Variants in FOXN3 observed in about 807,000 individuals in gnomAD.
The protein encoded by FOXN3 is forkhead box protein N3.
A neutral mutation model predicts 38.4 loss-of-function variants in FOXN3; 7 were observed. The ratio of observed to expected loss-of-function variants is 0.18; its 90% CI spans 0.10 to 0.34. The LOEUF (loss-of-function observed/expected upper bound fraction) is 0.34. Among genes scored for constraint, FOXN3 ranks in the 10% least tolerant of loss-of-function variants. FOXN3 has a pLI of 1.00. For synonymous variants in FOXN3, 230 were observed against 242.2 expected, an observed-to-expected ratio of 0.95 and a Z score of 0.47; for missense variants, 456 against 613.4, an observed-to-expected ratio of 0.74 and a Z score of 2.71.
chr14:89,253,294 C>G (rs1885518094), intron 4 of FOXN3, among the ~76,000 whole-genome samples: 1 of 152,140 alleles, frequency 6.6e-6, no homozygotes, highest in Non-Finnish European at 1.5e-5. Flanking sequence ...GGCATTCGCT[C>G]TAGGGCATGA....
At chr14:89,449,601 A>G (rs1450836376) in intron 1 of FOXN3, among the ~76,000 whole-genome samples, 2 of 152,242 alleles carry the variant, frequency 1.3e-5, no homozygotes, top group Non-Finnish European at 2.9e-5. Flanking sequence ...GACAGAATTT[A>G]TTTGAGAAGA....
intron 1 of FOXN3, among the ~76,000 whole-genome samples, chr14:89,501,051 C>T (rs1384691863): frequency 6.6e-6 from 1 of 152,206 alleles, no homozygotes; most frequent in Non-Finnish European, 1.5e-5. Flanking sequence ...GATTAATGCG[C>T]CCTCCACGGG....
At chr14:89,461,948 C>T (rs954827240) in intron 1 of FOXN3, among the ~76,000 whole-genome samples, 9 of 152,174 alleles carry the variant, frequency 5.9e-5, no homozygotes, top group African/African-American at 1.2e-4. Flanking sequence ...GCAGTGCATA[C>T]GACAGGCCCC....
At chr14:89,193,829 C>T (rs1232646196) in intron 4 of FOXN3, among the ~76,000 whole-genome samples, 1 of 152,174 alleles carries the variant, frequency 6.6e-6, no homozygotes, top group Non-Finnish European at 1.5e-5. Flanking sequence ...GTTCCAGTTG[C>T]TCCATATTTT....
chr14:89,216,381 G>A (rs1225075201), intron 4 of FOXN3, among the ~76,000 whole-genome samples: 3 of 152,132 alleles, frequency 2.0e-5, no homozygotes, highest in African/African-American at 4.8e-5. Context: ...GTCTCGGCAG[G>A]TAAGGAGTTT....
intron 4 of FOXN3, among the ~76,000 whole-genome samples, chr14:89,198,027 G>T (rs1479122726): frequency 6.6e-6 from 1 of 152,154 alleles, no homozygotes; most frequent in Non-Finnish European, 1.5e-5. Context: ...AATACAGTCA[G>T]CCCTCCATAC....
intron 1 of FOXN3, among the ~76,000 whole-genome samples, chr14:89,457,232 C>A (rs568008727): frequency 6.6e-5 from 10 of 152,298 alleles, no homozygotes; most frequent in Admixed American, 3.3e-4. Context: ...TTTCTAGAGA[C>A]CTTCACGGAG....
At chr14:89,498,869 C>A (rs1302942536) in intron 1 of FOXN3, among the ~76,000 whole-genome samples, 2 of 152,240 alleles carry the variant, frequency 1.3e-5, no homozygotes, top group Admixed American at 1.3e-4. Context: ...CTCCAACTCA[C>A]AAGTCAATGA....
At chr14:89,193,802 G>A (rs1417373537) in intron 4 of FOXN3, among the ~76,000 whole-genome samples, 4 of 152,174 alleles carry the variant, frequency 2.6e-5, no homozygotes, top group Non-Finnish European at 4.4e-5. Context: ...TCCAAAGAGG[G>A]TGTACCACGT....
chr14:89,186,539 G>A (rs1389691317), intron 4 of FOXN3, among the ~76,000 whole-genome samples: 1 of 152,156 alleles, frequency 6.6e-6, no homozygotes, highest in Admixed American at 6.5e-5. Flanking sequence ...GCCATTTTGA[G>A]GGTGGAGAGG....
chr14:89,305,569 C>A lies in FOXN3; in HGVS notation c.681-24555G>T, dbSNP rs564602931. On this transcript the variant is annotated intron_variant, in intron 3 of 5. Transcript: ENST00000557258. ...TAACTATCATTTTTTGTTAACAAGA[C>A]AAAAGAATTTACAGTTTCTGCCAAC... is the stretch of plus-strand genomic sequence containing the variant. 3.3e-5 allele frequency among the ~76,000 whole-genome samples: 5 copies of A among 152,306 alleles called. No individual in the cohort carries two copies. In the South Asian group the frequency reaches 1.0e-3, roughly 32 times the overall value.
At chr14:89,329,208 CATAG>C (rs1001518085) in intron 3 of FOXN3, among the ~76,000 whole-genome samples, 8 of 152,308 alleles carry the variant, frequency 5.3e-5, no homozygotes, top group African/African-American at 1.9e-4. Flanking sequence ...TTCATTCTGA[CATAG>C]ATAGTAGGTG....
intron 3 of FOXN3, among the ~76,000 whole-genome samples, chr14:89,329,877 AAAAAAAAAAAG>A (rs1888193588): frequency 6.8e-6 from 1 of 147,896 alleles, no homozygotes; most frequent in Non-Finnish European, 1.5e-5. Flanking sequence ...AAAAAAAAAA[AAAAAAAAAAAG>A]AATTATCTGG....
rs146141998 is a variant in FOXN3, at chr14:89,172,488, G to A, written c.851+8213C>T. On this transcript the variant is annotated intron_variant, in intron 5 of 5. Coordinates refer to ENST00000557258, the MANE Select transcript of FOXN3 (RefSeq NM_005197.4). Reference sequence around the variant, plus strand: ...TGTCTTTTCTTTGTTTTTCTTGTTCGCGCACTCCCTTGCAGTTTATCAAGC... The same window carrying A: ...TGTCTTTTCTTTGTTTTTCTTGTTCACGCACTCCCTTGCAGTTTATCAAGC... Among the ~76,000 whole-genome samples the A allele has an allele frequency of 4.9e-4, 74 of 152,164 alleles. 2 individuals carry two copies. Among genetic ancestry groups the A allele is most frequent in the African/African-American group, 1.7e-3 (71 of 41,508 alleles).
intron 1 of FOXN3, among the ~76,000 whole-genome samples, chr14:89,510,831 T>C (rs1252642436): frequency 6.6e-6 from 1 of 152,110 alleles, no homozygotes; most frequent in Non-Finnish European, 1.5e-5. Context: ...AAATCCCAGC[T>C]ACTTTAGTGG....
chr14:89,531,997 T>A (rs985094653), intron 1 of FOXN3, among the ~76,000 whole-genome samples: 20 of 152,166 alleles, frequency 1.3e-4, no homozygotes, highest in Non-Finnish European at 2.1e-4. Context: ...GTTCTTAAAG[T>A]ATCATACCTG....
chr14:89,569,529 C>T (rs1052334926), intron 1 of FOXN3, among the ~76,000 whole-genome samples: 10 of 152,172 alleles, frequency 6.6e-5, no homozygotes, highest in African/African-American at 2.4e-4. Context: ...TGTATGGCTA[C>T]TTTGGAGGTC....
intron 3 of FOXN3, among the ~76,000 whole-genome samples, chr14:89,310,925 G>A (rs1887520201): frequency 6.6e-6 from 1 of 151,348 alleles, no homozygotes; most frequent in Non-Finnish European, 1.5e-5. Flanking sequence ...TGACCAATAT[G>A]GAGAAACCCC....
chr14:89,550,838 C>A (rs143519401), intron 1 of FOXN3, among the ~76,000 whole-genome samples: 9 of 152,294 alleles, frequency 5.9e-5, no homozygotes, highest in African/African-American at 2.2e-4. Flanking sequence ...TGCTGGACAT[C>A]CATCATCCAA....
Sources: allele counts gnomAD v4.1 joint callset (sites outside exome capture counted in the v4.1 genomes callset), GRCh38; gene constraint gnomAD v4.1.1; transcripts MANE v1.5; gene names NCBI Gene and HGNC (gene_info 2026-07-23, HGNC 2026-07-21).